The following TARS3 variants were observed in gnomAD, a reference collection of about 807,000 sequenced individuals.
TARS3 encodes threonine--tRNA ligase 2, cytoplasmic.
TARS3 carries 94 observed loss-of-function variants against 103.5 expected under a neutral mutation model. That is an observed-to-expected ratio of 0.91 (90% CI 0.77 to 1.08). The LOEUF (loss-of-function observed/expected upper bound fraction) is 1.08, where lower values mean the gene tolerates loss of function less well. TARS3 is among the 50% of genes least tolerant of loss of function. The pLI, the probability that TARS3 is intolerant of heterozygous loss-of-function variation, is 0.00. For synonymous variants in TARS3, 416 were observed against 355.4 expected, an observed-to-expected ratio of 1.17 and a Z score of -1.92; for missense variants, 952 against 995.2, an observed-to-expected ratio of 0.96 and a Z score of 0.58.
chr15:101,721,076 CT>C (rs758136236), intron 3 of TARS3, 49 bp downstream of exon 3: 11 of 1,494,452 alleles, frequency 7.4e-6, no homozygotes, highest in African/African-American at 1.4e-5. Context: ...TTTCACCAGG[CT>C]TCAGTATAAT....
chr15:101,701,181 G>A lies in TARS3; in HGVS notation c.1225C>T (p.Gln409Ter). The A allele has an allele frequency of 6.3e-7, 1 of 1,586,546 alleles. No homozygotes were observed. Among genetic ancestry groups the A allele is most frequent in the Non-Finnish European group, 8.5e-7 (1 of 1,171,834 alleles). ...AAATCGTGGAAAAAGAAAAGTTCTTGTTCCTAGATTGAAACAAAAATTGCA... is the reference window on the plus strand; with the variant it reads ...AAATCGTGGAAAAAGAAAAGTTCTTATTCCTAGATTGAAACAAAAATTGCA... Reference protein sequence around the residue: ...NRDHRKIGKEQELFFFHDLSP... With the variant: ...NRDHRKIGKE The change falls in exon 10 of 19, where the codon CAA becomes TAA. Residue 409 changes from glutamine (Q) to a stop codon, truncating the protein, a stop_gained. Coordinates refer to ENST00000335968, the MANE Select transcript of TARS3 (RefSeq NM_152334.3). LOFTEE classifies it high-confidence loss of function.
chr15:101,702,216 A>G (rs1485753502), intron 9 of TARS3, 23 bp downstream of exon 9: 1 of 1,612,976 alleles, frequency 6.2e-7, no homozygotes, highest in Non-Finnish European at 8.5e-7. Context: ...TTACATCTCC[A>G]GTGATTAAGA....
intron 16 of TARS3, among the ~76,000 whole-genome samples, chr15:101,658,061 G>A (rs1897249444): frequency 6.6e-6 from 1 of 152,196 alleles, no homozygotes; most frequent in African/African-American, 2.4e-5. Flanking sequence ...TAGCACAAGT[G>A]CAGGTAGAAT....
intron 5 of TARS3, among the ~76,000 whole-genome samples, chr15:101,709,507 A>G (rs546491930): frequency 6.6e-5 from 10 of 152,160 alleles, no homozygotes; most frequent in Admixed American, 4.6e-4. Flanking sequence ...TGCAGATGTC[A>G]TAAGTATCCC....
intron 10 of TARS3, among the ~76,000 whole-genome samples, chr15:101,688,910 A>C (rs1898587129): frequency 6.6e-6 from 1 of 152,136 alleles, no homozygotes; most frequent in South Asian, 2.1e-4. Flanking sequence ...TGAAAATTTC[A>C]ATGCCATTCA....
chr15:101,705,659 C>T (rs769859415), intron 7 of TARS3, 24 bp downstream of exon 7: 110 of 1,601,194 alleles, frequency 6.9e-5, no homozygotes, highest in Middle Eastern at 1.6e-4. Flanking sequence ...CACTGAGCAG[C>T]GTTTACCATG....
rs145592058 is a variant in TARS3 at position 101,708,704 on chromosome 15, C to T, written c.930+89G>A. 9.0e-4 allele frequency: 795 copies of T among 888,104 alleles called. 3 individuals carry two copies. The African/African-American group carries it at 0.011, about 12-fold the overall frequency. 55.0% of individuals were successfully genotyped at this position (888,104 alleles called of 1,614,324 possible). ...AGGATTGGAATAATTTGGTGAGCAA[C>T]AGGTAATTATTTGGGGGAAGGTGGG... On this transcript the variant is annotated intron_variant, in intron 6 of 18. Coordinates refer to ENST00000335968, the MANE Select transcript of TARS3 (RefSeq NM_152334.3).
At chr15:101,707,438 A>G (rs1463368192) in intron 6 of TARS3, among the ~76,000 whole-genome samples, 2 of 152,212 alleles carry the variant, frequency 1.3e-5, no homozygotes, top group African/African-American at 4.8e-5. Flanking sequence ...GAAGCAACCC[A>G]AGTGTTTACA....
intron 8 of TARS3, 69 bp from the exon 9 acceptor site, chr15:101,702,454 C>T: frequency 1.5e-6 from 2 of 1,326,272 alleles, no homozygotes; most frequent in Admixed American, 1.7e-5. Flanking sequence ...CTCTTAAATA[C>T]AAATGCAATT....
chr15:101,724,155 T>A lies in TARS3; in HGVS notation c.233A>T (p.Glu78Val). 6.8e-7 allele frequency: 1 copy of A among 1,472,588 alleles called. No homozygotes were observed. Among genetic ancestry groups the A allele is most frequent in the Non-Finnish European group, 9.0e-7 (1 of 1,113,162 alleles). 91.2% of individuals were successfully genotyped at this position (1,472,588 alleles called of 1,614,324 possible). A position where few individuals can be genotyped will look rare whatever the true frequency, so the allele number is the denominator to read the frequency against. The change falls in exon 1 of 19, where the codon GAG becomes GTG. Residue 78 changes from glutamate (E) to valine (V), a missense_variant. Physicochemically the swap from Glu to Val is moderately radical, Grantham distance 121 (BLOSUM62 -2). Coordinates refer to ENST00000335968, the MANE Select transcript of TARS3 (RefSeq NM_152334.3). ...CTCCAGCGTGGCCTGGCGGCTCCGC[T>A]CCTCGGCGAGGCACAGCCGCAGGCT... is the stretch of plus-strand genomic sequence containing the variant. ...LCSLRLCLAEERSRQATLESA... is the reference protein window; with the variant it reads ...LCSLRLCLAEVRSRQATLESA...
At chr15:101,721,791 A>C (rs1250561047) in intron 2 of TARS3, among the ~76,000 whole-genome samples, 1 of 152,200 alleles carries the variant, frequency 6.6e-6, no homozygotes, top group East Asian at 1.9e-4. Context: ...CACCGTATCC[A>C]GCCGCAATTT....
At chr15:101,672,133 A>C (rs971277989) in intron 13 of TARS3, among the ~76,000 whole-genome samples, 2 of 151,328 alleles carry the variant, frequency 1.3e-5, no homozygotes, top group African/African-American at 4.9e-5. Flanking sequence ...CCTTGATCAC[A>C]CTCCCTCTTC....
intron 3 of TARS3, 99 bp from the exon 4 acceptor site, chr15:101,715,062 T>A: frequency 8.4e-7 from 1 of 1,193,442 alleles, no homozygotes; most frequent in Non-Finnish European, 1.1e-6. Context: ...TTTTGAAGTG[T>A]ATAAAAAGTA....
At chr15:101,676,868 G>A (rs1465067946) in intron 12 of TARS3, among the ~76,000 whole-genome samples, 1 of 149,078 alleles carries the variant, frequency 6.7e-6, no homozygotes, top group Non-Finnish European at 1.5e-5. Flanking sequence ...ATAGGTATAT[G>A]TGTGCCATGG....
At chr15:101,715,904 G>A (rs148575568) in intron 3 of TARS3, among the ~76,000 whole-genome samples, 2 of 152,140 alleles carry the variant, frequency 1.3e-5, no homozygotes, top group East Asian at 1.9e-4. Context: ...CACGTACCCC[G>A]ATTTTTAAAA....
intron 15 of TARS3, among the ~76,000 whole-genome samples, chr15:101,665,650 G>A (rs1011957590): frequency 1.3e-5 from 2 of 152,134 alleles, no homozygotes; most frequent in Admixed American, 6.5e-5. Flanking sequence ...TTACAAACAT[G>A]ACCTTGGAAG....
At chr15:101,697,586 C>T (rs1489990683) in intron 10 of TARS3, among the ~76,000 whole-genome samples, 1 of 152,082 alleles carries the variant, frequency 6.6e-6, no homozygotes, top group Non-Finnish European at 1.5e-5. Flanking sequence ...AAAAATGAAA[C>T]CTTCTTATCC....
intron 10 of TARS3, among the ~76,000 whole-genome samples, chr15:101,693,389 A>T (rs1410558030): frequency 6.6e-6 from 1 of 152,080 alleles, no homozygotes; most frequent in African/African-American, 2.4e-5. Context: ...CAAGAGACTT[A>T]TTCACCACCA....
At chr15:101,704,070 G>T (rs1420056986) in intron 7 of TARS3, 133 bp from the exon 8 acceptor site, 1 of 580,282 alleles carries the variant, frequency 1.7e-6, no homozygotes, top group African/African-American at 1.9e-5. Flanking sequence ...TTAATTTAGG[G>T]TGAAGGAGAG....
Sources: allele counts gnomAD v4.1 joint callset (sites outside exome capture counted in the v4.1 genomes callset), GRCh38; gene constraint gnomAD v4.1.1; transcripts MANE v1.5; gene names NCBI Gene and HGNC (gene_info 2026-07-23, HGNC 2026-07-21).